The following NAV1 variants were observed in gnomAD, a reference collection of about 807,000 sequenced individuals.
The protein encoded by NAV1 is pore membrane and/or filament interacting like protein 3.
A neutral mutation model predicts 175.2 loss-of-function variants in NAV1; 18 were observed. The ratio of observed to expected loss-of-function variants is 0.10; its 90% CI spans 0.07 to 0.15. The LOEUF is 0.15. NAV1 is among the 10% of genes least tolerant of loss of function. The pLI, the probability that NAV1 is intolerant of heterozygous loss-of-function variation, is 1.00. For synonymous variants in NAV1, 897 were observed against 978.7 expected (o/e 0.92, Z 1.56); for missense variants, 1,731 against 2,436.6 (o/e 0.71, Z 6.10).
intron 3 of NAV1, among the ~76,000 whole-genome samples, chr1:201,734,415 GAAAAA>G (rs1408637511): frequency 7.5e-6 from 1 of 132,536 alleles, no homozygotes; most frequent in African/African-American, 2.8e-5. Flanking sequence ...TCTCAAAAAA[GAAAAA>G]AAGAAGAAGA....
intron 3 of NAV1, among the ~76,000 whole-genome samples, chr1:201,744,335 T>C (rs552960965): frequency 1.8e-4 from 28 of 152,014 alleles, no homozygotes; most frequent in African/African-American, 6.5e-4. Context: ...TATTTATTTA[T>C]TTATTTATTT....
At chr1:201,682,444 C>T (rs1186470942) in intron 1 of NAV1, among the ~76,000 whole-genome samples, 1 of 152,172 alleles carries the variant, frequency 6.6e-6, no homozygotes, top group South Asian at 2.1e-4. Context: ...TGTCTGACAG[C>T]AGTCCCCCAC....
At chr1:201,649,247 G>T (rs773104924) in exon 1 of NAV1, 2 of 1,613,208 alleles carry the variant, frequency 1.2e-6, no homozygotes, top group Non-Finnish European at 1.7e-6. Flanking sequence ...AAGCGGCCGT[G>T]AGCGAAGATG....
At chr1:201,613,976 G>C (rs748779423) in intron 2 of NAV1, among the ~76,000 whole-genome samples, 1 of 145,182 alleles carries the variant, frequency 6.9e-6, no homozygotes, top group Non-Finnish European at 1.5e-5. Flanking sequence ...ATTTGCTCAG[G>C]ACCACAAAGC....
chr1:201,663,461 C>T (rs949131821), intron 1 of NAV1, among the ~76,000 whole-genome samples: 1 of 152,132 alleles, frequency 6.6e-6, no homozygotes, highest in Non-Finnish European at 1.5e-5. Context: ...CAGGCCTGAC[C>T]TATAGCTTTA....
At chr1:201,553,447 C>T (rs1050934011) in intron 1 of NAV1, among the ~76,000 whole-genome samples, 1 of 152,250 alleles carries the variant, frequency 6.6e-6, no homozygotes, top group African/African-American at 2.4e-5. Flanking sequence ...GGTATATTCA[C>T]CTGCAAAAGG....
chr1:201,734,980 C>A (rs549363531), intron 3 of NAV1, among the ~76,000 whole-genome samples: 1 of 152,282 alleles, frequency 6.6e-6, no homozygotes, highest in Admixed American at 6.5e-5. Context: ...GGCAGGTCTC[C>A]TCGAAGGTTA....
At chr1:201,626,149 A>G (rs1668324602) in intron 1 of NAV1, among the ~76,000 whole-genome samples, 1 of 152,220 alleles carries the variant, frequency 6.6e-6, no homozygotes, top group African/African-American at 2.4e-5. Context: ...CACACTCTGC[A>G]GGGCCTAGAG....
chr1:201,713,434 G>T (rs747788747), intron 2 of NAV1, among the ~76,000 whole-genome samples: 3 of 152,186 alleles, frequency 2.0e-5, no homozygotes, highest in Non-Finnish European at 2.9e-5. Flanking sequence ...GGCCCACACA[G>T]TGTCACCCAG....
intron 1 of NAV1, 108 bp from the exon 6 acceptor site, chr1:201,712,709 C>T: frequency 2.6e-6 from 2 of 764,554 alleles, no homozygotes. Context: ...ACTATCATGG[C>T]CCAGGGACTA....
chr1:201,651,838 C>G (rs904163192), intron 1 of NAV1, among the ~76,000 whole-genome samples: 2 of 151,956 alleles, frequency 1.3e-5, no homozygotes, highest in Non-Finnish European at 2.9e-5. Context: ...CTGCCTGTCT[C>G]CAGCTGAGAG....
At chr1:201,783,526 G>T in exon 7 of NAV1, 2 of 1,614,164 alleles carry the variant, frequency 1.2e-6, no homozygotes, top group Non-Finnish European at 1.7e-6. Flanking sequence ...TCCCAGATCT[G>T]CATGCTACAA....
intron 16 of NAV1, chr1:201,804,214 G>C: frequency 5.5e-6 from 3 of 545,826 alleles, no homozygotes; most frequent in South Asian, 2.2e-5. Context: ...TTGTACGTGT[G>C]GTTTTTTTCT....
At chr1:201,615,262 T>C (rs917422464) in intron 2 of NAV1, among the ~76,000 whole-genome samples, 4 of 130,812 alleles carry the variant, frequency 3.1e-5, no homozygotes, top group African/African-American at 7.2e-5. Flanking sequence ...TTTCTTTCTT[T>C]CTTTCTTTTT....
chr1:201,742,649 G>T (rs1673498764), intron 3 of NAV1, among the ~76,000 whole-genome samples: 1 of 152,100 alleles, frequency 6.6e-6, no homozygotes, highest in East Asian at 1.9e-4. Flanking sequence ...TAGAGCCTGG[G>T]GATCAGTGGG....
intron 3 of NAV1, among the ~76,000 whole-genome samples, chr1:201,720,569 C>G (rs1373403750): frequency 6.6e-6 from 1 of 152,204 alleles, no homozygotes; most frequent in Non-Finnish European, 1.5e-5. Flanking sequence ...ACGTCGCAGT[C>G]TGAGGAAGGT....
At chr1:201,790,468 C>A in intron 11 of NAV1, 86 bp from the exon 16 acceptor site, 1 of 1,476,696 alleles carries the variant, frequency 6.8e-7, no homozygotes. Context: ...ACATTTCCTA[C>A]CCTGCCACTG....
intron 3 of NAV1, among the ~76,000 whole-genome samples, chr1:201,761,638 C>T (rs752945298): frequency 1.3e-5 from 2 of 152,172 alleles, no homozygotes; most frequent in Non-Finnish European, 2.9e-5. Flanking sequence ...AGGCCATATA[C>T]GTTCTATATC....
At chr1:201,790,035 TC>T (rs1677011099) in intron 11 of NAV1, among the ~76,000 whole-genome samples, 1 of 152,066 alleles carries the variant, frequency 6.6e-6, no homozygotes, top group African/African-American at 2.4e-5. Context: ...TGATTTTTGT[TC>T]CCCTCCTTTG....
Sources: allele counts gnomAD v4.1 joint callset (sites outside exome capture counted in the v4.1 genomes callset), GRCh38; gene constraint gnomAD v4.1.1; transcripts MANE v1.5; gene names NCBI Gene and HGNC (gene_info 2026-07-23, HGNC 2026-07-21).